ANO2: variants seen among roughly 807,000 people sequenced by gnomAD.
ANO2 encodes anoctamin-2.
In ANO2, 101 loss-of-function variants were observed where a neutral mutation model predicts 124.2. The ratio of observed to expected loss-of-function variants is 0.81; its 90% CI spans 0.69 to 0.96. The LOEUF is 0.96. ANO2 is among the 40% of genes least tolerant of loss of function. The pLI is 0.00. For missense variants in ANO2, 1,293 were observed against 1,274.5 expected, an observed-to-expected ratio of 1.01 and a Z score of -0.22; for synonymous variants, 486 against 482.5, an observed-to-expected ratio of 1.01 and a Z score of -0.09.
chr12:5,790,942 G>A (rs1260296625), intron 10 of ANO2, among the ~76,000 whole-genome samples: 1 of 152,142 alleles, frequency 6.6e-6, no homozygotes, highest in African/African-American at 2.4e-5. Context: ...CAAGCAAGGA[G>A]GGCCAAAATA....
chr12:5,812,916 AAGAAAGAGAG>A (rs1446416703), intron 7 of ANO2, among the ~76,000 whole-genome samples: 1 of 148,204 alleles, frequency 6.7e-6, no homozygotes, highest in African/African-American at 2.5e-5. Context: ...AAGCAAGAAA[AAGAAAGAGAG>A]AGAAAGAGAG....
In ANO2 at chr12:5,922,744, C is replaced by A; in HGVS notation, c.83G>T (p.Gly28Val). 6.3e-7 allele frequency: 1 copy of A among 1,598,986 alleles called. No individual in the cohort carries two copies. Among genetic ancestry groups the A allele is most frequent in the Non-Finnish European group, 8.5e-7 (1 of 1,173,696 alleles). ...RLSPQAGSRG[G>V]QGPKHGQQCL... Reference sequence around the variant, plus strand: ...CTGCTGTCCATGTTTGGGGCCCTGGCCCCCTCTGGACCCTGCCTGAGGGCT... The same window carrying A: ...CTGCTGTCCATGTTTGGGGCCCTGGACCCCTCTGGACCCTGCCTGAGGGCT... The change falls in exon 2 of 25, where the codon GGC becomes GTC. Residue 28 changes from glycine (G) to valine (V), a missense_variant. Gly to Val is a moderately radical substitution (Grantham distance 109). Coordinates refer to ENST00000682330, the MANE Select transcript of ANO2 (RefSeq NM_001364791.2).
At chr12:5,678,953 G>A (rs536925398) in intron 14 of ANO2, among the ~76,000 whole-genome samples, 19 of 152,350 alleles carry the variant, frequency 1.2e-4, no homozygotes, top group South Asian at 2.1e-4. Context: ...AAGCATGCGA[G>A]TGGGTATAGC....
chr12:5,589,504 G>A (rs924224307), intron 20 of ANO2, among the ~76,000 whole-genome samples: 4 of 152,122 alleles, frequency 2.6e-5, no homozygotes, highest in Admixed American at 1.3e-4. Context: ...AGAGAAAGCC[G>A]AAGACATAAA....
chr12:5,753,664 G>A (rs1951500574), intron 10 of ANO2, among the ~76,000 whole-genome samples: 1 of 151,980 alleles, frequency 6.6e-6, no homozygotes, highest in African/African-American at 2.4e-5. Flanking sequence ...TATTGTGAAT[G>A]GTACTTTTCT....
intron 20 of ANO2, among the ~76,000 whole-genome samples, chr12:5,581,429 C>T (rs1344825779): frequency 6.6e-6 from 1 of 152,170 alleles, no homozygotes; most frequent in Non-Finnish European, 1.5e-5. Context: ...ACATGGTACT[C>T]TGAAATCTAA....
intron 20 of ANO2, among the ~76,000 whole-genome samples, chr12:5,586,585 T>C (rs1340907432): frequency 6.6e-6 from 1 of 152,228 alleles, no homozygotes; most frequent in East Asian, 1.9e-4. Flanking sequence ...AAATTACCCA[T>C]TGCAGTCTTT....
intron 10 of ANO2, among the ~76,000 whole-genome samples, chr12:5,782,206 T>G (rs900061265): frequency 3.3e-5 from 5 of 152,242 alleles, no homozygotes; most frequent in African/African-American, 1.2e-4. Flanking sequence ...TCCATATGTC[T>G]GATAATATTC....
chr12:5,849,668 A>G (rs1257014624), intron 4 of ANO2, among the ~76,000 whole-genome samples: 1 of 152,142 alleles, frequency 6.6e-6, no homozygotes, highest in Non-Finnish European at 1.5e-5. Flanking sequence ...CCCTGGACAC[A>G]TTACAATGGA....
At chr12:5,827,861 C>A in intron 6 of ANO2, 41 bp from the exon 7 acceptor site, 1 of 1,584,754 alleles carries the variant, frequency 6.3e-7, no homozygotes, top group Middle Eastern at 1.7e-4. Context: ...TCCTAGTTCC[C>A]CCCCGCCCTC....
At chr12:5,832,341 C>G in intron 5 of ANO2, 111 bp downstream of exon 5, 1 of 1,290,432 alleles carries the variant, frequency 7.7e-7, no homozygotes, top group Middle Eastern at 2.1e-4. Context: ...ACTCTCTCTC[C>G]CAGGCACTGG....
At chr12:5,590,422 G>C (rs908074500) in intron 20 of ANO2, among the ~76,000 whole-genome samples, 3 of 152,202 alleles carry the variant, frequency 2.0e-5, no homozygotes, top group Admixed American at 1.3e-4. Flanking sequence ...TCTCAGCCAG[G>C]GGCCTGGAGG....
chr12:5,895,107 T>G (rs1392372389), intron 3 of ANO2, among the ~76,000 whole-genome samples: 4 of 152,238 alleles, frequency 2.6e-5, no homozygotes, highest in Non-Finnish European at 5.9e-5. Context: ...ATGATATTGA[T>G]TCTACCTATC....
At chr12:5,612,407 C>A (rs758663872) in intron 19 of ANO2, among the ~76,000 whole-genome samples, 1 of 152,208 alleles carries the variant, frequency 6.6e-6, no homozygotes, top group East Asian at 1.9e-4. Context: ...AGACATCTGA[C>A]TCCTGGCTCT....
At chr12:5,834,300 A>G (rs930965203) in intron 4 of ANO2, among the ~76,000 whole-genome samples, 4 of 152,168 alleles carry the variant, frequency 2.6e-5, no homozygotes, top group African/African-American at 9.7e-5. Flanking sequence ...TCAAAATCCT[A>G]TTTCCTTCTC....
chr12:5,871,235 A>T (rs544466375), intron 3 of ANO2, among the ~76,000 whole-genome samples: 2 of 151,208 alleles, frequency 1.3e-5, no homozygotes, highest in Non-Finnish European at 2.9e-5. Context: ...TAGGTTGTAA[A>T]TCGGACACAT....
Position 5,921,177 on chromosome 12 carries a change from T to A in ANO2, c.397A>T (p.Lys133Ter), listed in dbSNP as rs371931109. ...CCTGGGCCCCCAGCATGAGGCTCCT[T>A]GCCTGTCTCCCCATTGGAGACGATA... ...LAIVSNGETG[K>*]EPHAGGPGDI... is the part of the protein sequence containing the mutation. The change falls in exon 3 of 25, where the codon AAG becomes TAG. Residue 133 changes from lysine (K) to a stop codon, truncating the protein, a stop_gained. Transcript: ENST00000682330. LOFTEE classifies it high-confidence loss of function. 197 of 1,613,800 alleles carry A rather than the reference T, an allele frequency of 1.2e-4. No individual in the cohort carries two copies. Among genetic ancestry groups the A allele is most frequent in the Non-Finnish European group, 1.7e-4 (196 of 1,179,860 alleles).
intron 3 of ANO2, among the ~76,000 whole-genome samples, chr12:5,883,043 G>C (rs1383195144): frequency 1.3e-5 from 2 of 152,110 alleles, no homozygotes; most frequent in Non-Finnish European, 2.9e-5. Context: ...CTCCTTATCA[G>C]TAGGGAGCAT....
chr12:5,827,811 T>C lies in ANO2; in HGVS notation c.850A>G (p.Ile284Val), dbSNP rs775926683. The C allele has an allele frequency of 3.1e-6, 5 of 1,611,116 alleles. No individual in the cohort carries two copies. Among genetic ancestry groups the C allele is most frequent in the Non-Finnish European group, 4.2e-6 (5 of 1,178,932 alleles). The part of the protein sequence containing the change: ...NATRSRIVHE[I>V]LKRTACSRAN... ...CGGGAGCAGGCTGTGCGCTTCAGGA[T>C]CTCGTGCACCTAAAAGGGGACGACA... Residue 284 changes from isoleucine to valine, a missense_variant, in exon 7 of 25, where the codon ATC becomes GTC. By Grantham distance (29) the Ile-to-Val change is conservative. Transcript: ENST00000682330.
Sources: allele counts gnomAD v4.1 joint callset (sites outside exome capture counted in the v4.1 genomes callset), GRCh38; gene constraint gnomAD v4.1.1; transcripts MANE v1.5; gene names NCBI Gene and HGNC (gene_info 2026-07-23, HGNC 2026-07-21).